The following KCNH5 variants were observed in gnomAD, a reference collection of about 807,000 sequenced individuals.
KCNH5 encodes the protein potassium voltage-gated channel subfamily H member 5, also known as voltage-gated delayed rectifier potassium channel KCNH5.
Under a neutral mutation model 96.1 loss-of-function variants are expected in KCNH5, and 46 were observed. That is an observed-to-expected ratio of 0.48 (90% CI 0.38 to 0.61). The LOEUF (loss-of-function observed/expected upper bound fraction) is 0.61. Ranked by LOEUF, KCNH5 falls within the 20% of genes least tolerant of loss-of-function variation. KCNH5 has a pLI of 0.00. For missense variants in KCNH5, 907 were observed against 1,225.8 expected (o/e 0.74, Z 3.88); for synonymous variants, 439 against 449.8 (o/e 0.98, Z 0.30).
intron 10 of KCNH5, among the ~76,000 whole-genome samples, chr14:62,709,945 T>C (rs972517761): frequency 2.0e-5 from 3 of 152,240 alleles, no homozygotes; most frequent in Non-Finnish European, 4.4e-5. Context: ...TCACCCTCTG[T>C]AGGTTGTTGG....
intron 1 of KCNH5, among the ~76,000 whole-genome samples, chr14:63,037,443 A>C (rs775304203): frequency 6.6e-6 from 1 of 152,204 alleles, no homozygotes; most frequent in Non-Finnish European, 1.5e-5. Flanking sequence ...TTAACTAGAA[A>C]GGGCATGAGA....
Position 63,043,392 on chromosome 14 carries a change from AAAG to A in KCNH5, c.73+1719_73+1721del, listed in dbSNP as rs1337196639. Among the ~76,000 whole-genome samples, 5 of 152,300 alleles carry A rather than the reference AAAG, an allele frequency of 3.3e-5. No individual in the cohort carries two copies. In the East Asian group the frequency reaches 7.7e-4, roughly 23 times the overall value. ...ATAACCCAAGAGGATGAGAAAGCTGAAAGAAGACTTGTATACTTAACTAATTCC... is the reference window on the plus strand; with the variant it reads ...ATAACCCAAGAGGATGAGAAAGCTGAAAGACTTGTATACTTAACTAATTCC... On this transcript the variant is annotated intron_variant, in intron 1 of 10. Coordinates refer to ENST00000322893, the MANE Select transcript of KCNH5 (RefSeq NM_139318.5).
In KCNH5 at chr14:62,884,070, A is replaced by G. The variant is rs116675234; in HGVS notation, c.1370-34218T>C. On this transcript the variant is annotated intron_variant, in intron 7 of 10. Coordinates refer to ENST00000322893, the MANE Select transcript of KCNH5 (RefSeq NM_139318.5). ...AGCCACAGCCCTTCTTGCCTCTTAGAGAACCACCAGTACTGCAGAAATGGG... is the reference window on the plus strand; with the variant it reads ...AGCCACAGCCCTTCTTGCCTCTTAGGGAACCACCAGTACTGCAGAAATGGG... Among the ~76,000 whole-genome samples, 1,493 of 152,294 alleles carry G rather than the reference A, an allele frequency of 9.8e-3. 20 individuals carry two copies. The highest frequency in any genetic ancestry group is 0.035 in the African/African-American group (1,445 of 41,548).
intron 1 of KCNH5, among the ~76,000 whole-genome samples, chr14:63,032,101 C>CAA (rs33955186): frequency 2.3e-4 from 20 of 87,486 alleles, no homozygotes; most frequent in Admixed American, 3.6e-4. Context: ...AAGGACTTCA[C>CAA]AAAAAAAAAA....
At chr14:62,846,035 C>T (rs957953404) in intron 8 of KCNH5, among the ~76,000 whole-genome samples, 32 of 152,172 alleles carry the variant, frequency 2.1e-4, no homozygotes, top group African/African-American at 7.0e-4. Flanking sequence ...TACCAATTTA[C>T]ACACCTCCCA....
chr14:62,922,572 C>T (rs1889399572), intron 7 of KCNH5, among the ~76,000 whole-genome samples: 1 of 151,854 alleles, frequency 6.6e-6, no homozygotes, highest in Non-Finnish European at 1.5e-5. Context: ...AAACTGAATT[C>T]AACAGCATAT....
intron 4 of KCNH5, among the ~76,000 whole-genome samples, chr14:62,990,659 G>A (rs1219265921): frequency 6.6e-6 from 1 of 152,032 alleles, no homozygotes; most frequent in African/African-American, 2.4e-5. Context: ...GATGAAAAGG[G>A]AAGTGACTGC....
intron 7 of KCNH5, among the ~76,000 whole-genome samples, chr14:62,874,527 C>T (rs1888328727): frequency 6.6e-6 from 1 of 152,048 alleles, no homozygotes; most frequent in Non-Finnish European, 1.5e-5. Flanking sequence ...GGATGCAAGG[C>T]TGGTTCAATA....
chr14:62,878,909 A>G (rs1888437670), intron 7 of KCNH5, among the ~76,000 whole-genome samples: 3 of 152,134 alleles, frequency 2.0e-5, no homozygotes, highest in Admixed American at 6.5e-5. Context: ...TAGTCGTACT[A>G]GATTAGGACC....
chr14:62,984,750 C>G (rs1890672154), intron 5 of KCNH5, among the ~76,000 whole-genome samples: 1 of 151,288 alleles, frequency 6.6e-6, no homozygotes, highest in African/African-American at 2.4e-5. Context: ...TAACACTAAT[C>G]ACAGAGCAAA....
At chr14:62,841,181 A>G (rs1160720806) in intron 8 of KCNH5, among the ~76,000 whole-genome samples, 1 of 152,210 alleles carries the variant, frequency 6.6e-6, no homozygotes. Context: ...ATGAAAAATA[A>G]CAAACGCAGT....
At chr14:62,879,746 C>T (rs2180367) in intron 7 of KCNH5, among the ~76,000 whole-genome samples, 2,282 of 152,182 alleles carry the variant, frequency 0.015, 48 homozygotes, top group African/African-American at 0.052. Context: ...TTAATGTTAA[C>T]TTGTACTTCC....
chr14:62,776,765 A>T (rs1213646214), intron 10 of KCNH5, among the ~76,000 whole-genome samples: 1 of 152,216 alleles, frequency 6.6e-6, no homozygotes, highest in Non-Finnish European at 1.5e-5. Flanking sequence ...GAGGGGCTTA[A>T]GGATGGGTAG....
chr14:62,933,074 G>A (rs548551298), intron 7 of KCNH5, among the ~76,000 whole-genome samples: 4 of 152,154 alleles, frequency 2.6e-5, no homozygotes, highest in Non-Finnish European at 5.9e-5. Flanking sequence ...GGAGACAACA[G>A]GCTGAGGGCT....
intron 2 of KCNH5, among the ~76,000 whole-genome samples, chr14:63,009,088 G>C (rs77270726): frequency 6.6e-6 from 1 of 152,046 alleles, no homozygotes; most frequent in East Asian, 1.9e-4. Flanking sequence ...GGTGTCTGTG[G>C]TTCAATAAAC....
intron 7 of KCNH5, among the ~76,000 whole-genome samples, chr14:62,910,567 T>C (rs183974629): frequency 6.6e-6 from 1 of 152,032 alleles, no homozygotes; most frequent in Non-Finnish European, 1.5e-5. Context: ...CAATAACAAA[T>C]TGAAAAGGTA....
At chr14:63,023,182 A>C (rs889284911) in intron 1 of KCNH5, among the ~76,000 whole-genome samples, 3 of 151,894 alleles carry the variant, frequency 2.0e-5, no homozygotes, top group African/African-American at 7.3e-5. Context: ...CAGCCTGGGC[A>C]ACAGAGCAAG....
intron 7 of KCNH5, among the ~76,000 whole-genome samples, chr14:62,895,531 C>CT (rs1470224458): frequency 6.6e-6 from 1 of 152,166 alleles, no homozygotes; most frequent in Non-Finnish European, 1.5e-5. Context: ...CAGGGTTTCA[C>CT]TATGTTGTCC....
intron 10 of KCNH5, among the ~76,000 whole-genome samples, chr14:62,774,598 G>A (rs1886058238): frequency 6.6e-6 from 1 of 152,190 alleles, no homozygotes; most frequent in Admixed American, 6.5e-5. Flanking sequence ...GTCAAAGAAG[G>A]TGTGTTGCTT....
Sources: allele counts gnomAD v4.1 joint callset (sites outside exome capture counted in the v4.1 genomes callset), GRCh38; gene constraint gnomAD v4.1.1; transcripts MANE v1.5; gene names NCBI Gene and HGNC (gene_info 2026-07-23, HGNC 2026-07-21).